SPAG11B: variants seen among roughly 807,000 people sequenced by gnomAD.
The protein encoded by SPAG11B is sperm-associated antigen 11B.
Under a neutral mutation model 8.9 loss-of-function variants are expected in SPAG11B, and 5 were observed. That is an observed-to-expected ratio of 0.56 (90% CI 0.29 to 1.19). The LOEUF is 1.19. SPAG11B is among the 50% of genes most tolerant of loss of function. The pLI, the probability that SPAG11B is intolerant of heterozygous loss-of-function variation, is 0.08. For synonymous variants in SPAG11B, 12 were observed against 53.0 expected (o/e 0.23, Z 3.36); for missense variants, 38 against 146.4 (o/e 0.26, Z 3.82).
intron 2 of SPAG11B, among the ~76,000 whole-genome samples, chr8:7,453,389 T>A (rs943947060): frequency 2.7e-5 from 4 of 149,182 alleles, no homozygotes; most frequent in Non-Finnish European, 4.4e-5. Flanking sequence ...TTCTCTCCTA[T>A]CCCCCTGGGC....
At chr8:7,453,873 A>G in intron 2 of SPAG11B, among the ~76,000 whole-genome samples, 1 of 149,628 alleles carries the variant, frequency 6.7e-6, no homozygotes, top group Non-Finnish European at 1.5e-5. Flanking sequence ...GACTTTAGGG[A>G]AAATTGGGCA....
At chr8:7,453,345 C>A (rs1288289247) in intron 2 of SPAG11B, among the ~76,000 whole-genome samples, 6 of 148,856 alleles carry the variant, frequency 4.0e-5, no homozygotes, top group Admixed American at 1.3e-4. Flanking sequence ...CCTTAAAATT[C>A]TCTTAAGCAA....
At chr8:7,448,998 A>T, downstream of SPAG11B, 1 of 318,558 alleles carries the variant, frequency 3.1e-6, no homozygotes, top group South Asian at 2.3e-5. Context: ...CACCTTAAAA[A>T]TATTAAATAA....
intron 2 of SPAG11B, among the ~76,000 whole-genome samples, chr8:7,453,165 G>A (rs1257714042): frequency 2.1e-5 from 3 of 143,794 alleles, no homozygotes; most frequent in South Asian, 2.2e-4. Context: ...CTGGGCTGGA[G>A]GGAGGTTTGT....
chr8:7,453,014 T>A lies in SPAG11B; in HGVS notation c.215-2114A>T, dbSNP rs536978930. 3.4e-5 allele frequency among the ~76,000 whole-genome samples: 5 copies of A among 146,822 alleles called. No individual in the cohort carries two copies. In the East Asian group the frequency reaches 9.9e-4, roughly 29 times the overall value. Reference sequence around the variant, plus strand: ...TTCCAAAAATTTGGCAAAATTCACCTATTTATGAAGAGCCAGGATATTGTC... The same window carrying A: ...TTCCAAAAATTTGGCAAAATTCACCAATTTATGAAGAGCCAGGATATTGTC... On this transcript the variant is annotated intron_variant, in intron 2 of 2. Coordinates refer to ENST00000398462, the MANE Select transcript of SPAG11B (RefSeq NM_058201.4).
At chr8:7,462,526 GGAAGCT>G (rs1402093144) in intron 2 of SPAG11B, among the ~76,000 whole-genome samples, 175 bp downstream of exon 2, 6 of 150,792 alleles carry the variant, frequency 4.0e-5, no homozygotes, top group Non-Finnish European at 8.9e-5. Flanking sequence ...CAGCCCCAGG[GGAAGCT>G]GTGAGACCCC....
intron 2 of SPAG11B, among the ~76,000 whole-genome samples, chr8:7,453,519 C>G (rs1333695585): frequency 6.8e-6 from 1 of 147,700 alleles, no homozygotes; most frequent in Non-Finnish European, 1.5e-5. Context: ...AGATATCATT[C>G]TGGACTTGCC....
At chr8:7,453,394 CT>C (rs1327227860) in intron 2 of SPAG11B, among the ~76,000 whole-genome samples, 2 of 149,218 alleles carry the variant, frequency 1.3e-5, no homozygotes. Context: ...TCCTATCCCC[CT>C]GGGCTTCATA....
At chr8:7,451,215 G>A (rs757238214) in intron 2 of SPAG11B, 1 of 1,533,416 alleles carries the variant, frequency 6.5e-7, no homozygotes, top group Non-Finnish European at 8.9e-7. Flanking sequence ...AGGAAACAAA[G>A]GGAGTTTTGG....
intron 2 of SPAG11B, among the ~76,000 whole-genome samples, chr8:7,458,622 T>C (rs1415998932): frequency 9.9e-6 from 1 of 101,222 alleles, no homozygotes; most frequent in Admixed American, 1.1e-4. Context: ...AATATAAGAC[T>C]ATTTAAAAAT....
chr8:7,451,217 G>C, intron 2 of SPAG11B: 1 of 1,531,170 alleles, frequency 6.5e-7, no homozygotes, highest in South Asian at 1.1e-5. Context: ...GAAACAAAGG[G>C]AGTTTTGGAA....
At chr8:7,447,878 G>C (rs1809901589), downstream of SPAG11B, 1 of 834,496 alleles carries the variant, frequency 1.2e-6, no homozygotes, top group Non-Finnish European at 1.7e-6. Context: ...CTTAGTCAGA[G>C]CCACAGACCC....
At chr8:7,454,124 C>A (rs1810363693) in intron 2 of SPAG11B, among the ~76,000 whole-genome samples, 1 of 126,678 alleles carries the variant, frequency 7.9e-6, no homozygotes, top group Admixed American at 7.7e-5. Context: ...AAAGCAATTT[C>A]ATTTGCCCCT....
downstream of SPAG11B, among the ~76,000 whole-genome samples, chr8:7,450,271 A>T (rs1326971177): frequency 2.3e-3 from 327 of 145,258 alleles, 8 homozygotes; most frequent in African/African-American, 8.4e-3. Flanking sequence ...CTGAAATGTG[A>T]CCTGTTGGTG....
downstream of SPAG11B, among the ~76,000 whole-genome samples, chr8:7,448,978 G>T (rs1174386681): frequency 4.3e-5 from 6 of 139,218 alleles, no homozygotes; most frequent in East Asian, 2.0e-4. Flanking sequence ...ATCAGCCCAG[G>T]CCCAGGGTCC....
intron 2 of SPAG11B, among the ~76,000 whole-genome samples, chr8:7,459,485 C>A (rs957968050): frequency 6.8e-6 from 1 of 147,996 alleles, no homozygotes; most frequent in African/African-American, 2.5e-5. Flanking sequence ...ACACATCAAG[C>A]AACTGAGAAA....
chr8:7,459,451 C>G (rs1283801092), intron 2 of SPAG11B, among the ~76,000 whole-genome samples: 3 of 146,010 alleles, frequency 2.1e-5, no homozygotes, highest in Non-Finnish European at 3.0e-5. Context: ...TGAGAGAAAA[C>G]CATGGACTAA....
rs199585560 is a variant in SPAG11B, at chr8:7,450,739, C to T, written c.376G>A (p.Glu126Lys). The T allele has an allele frequency of 3.3e-4, 523 of 1,594,152 alleles. 4 individuals carry two copies. In the African/African-American group the frequency reaches 6.4e-3, roughly 20 times the overall value. Residue 126 changes from glutamate (E) to lysine (K), a missense_variant, in exon 3 of 3, where the codon GAG becomes AAG. Glu to Lys is a moderately conservative substitution (Grantham distance 56). This residue lies in a region of SPAG11B where 9 missense variants were observed against 48.6 expected (regional missense o/e 0.19). Transcript: ENST00000398462. The part of the protein sequence containing the change: ...NTDEEGKEKP[E>K]MDGRSGI Reference sequence around the variant, plus strand: ...TAGATCCCAGATCTGCCATCCATCTCTGGTTTCTCTTTTCCTTCTTCATCT... The same window carrying T: ...TAGATCCCAGATCTGCCATCCATCTTTGGTTTCTCTTTTCCTTCTTCATCT...
chr8:7,450,908 T>C lies in SPAG11B; in HGVS notation c.215-8A>G, dbSNP rs749725789. 5 of 1,553,578 alleles carry C rather than the reference T, an allele frequency of 3.2e-6. 1 individual carries two copies. Among genetic ancestry groups the C allele is most frequent in the Middle Eastern group, 1.7e-4 (1 of 5,774 alleles). ...TTCCCGGTGGAACATCCCCTATGGATACAACAGAAGAGAGTTGACATTTAA... is the reference window on the plus strand; with the variant it reads ...TTCCCGGTGGAACATCCCCTATGGACACAACAGAAGAGAGTTGACATTTAA... On this transcript the variant is annotated splice_region_variant and splice_polypyrimidine_tract_variant and intron_variant, in intron 2 of 2. Transcript: ENST00000398462.
Sources: allele counts gnomAD v4.1 joint callset (sites outside exome capture counted in the v4.1 genomes callset), GRCh38; gene constraint gnomAD v4.1.1; regional missense constraint gnomAD v4.1.1; transcripts MANE v1.5; gene names NCBI Gene and HGNC (gene_info 2026-07-23, HGNC 2026-07-21).